Variants in CCDC3 observed in about 807,000 individuals in gnomAD.
The protein encoded by CCDC3 is coiled-coil domain containing 3.
A neutral mutation model predicts 21.4 loss-of-function variants in CCDC3; 24 were observed. That is an observed-to-expected ratio of 1.12 (90% CI 0.81 to 1.58). CCDC3 has a LOEUF of 1.58. CCDC3 is among the 40% of genes most tolerant of loss of function. The pLI is 0.00. For synonymous variants in CCDC3, 186 were observed against 166.0 expected, an observed-to-expected ratio of 1.12 and a Z score of -0.93; for missense variants, 425 against 360.9, an observed-to-expected ratio of 1.18 and a Z score of -1.44.
intron 5 of CCDC3, among the ~76,000 whole-genome samples, chr10:13,021,745 T>C (rs963222815): frequency 6.6e-6 from 1 of 151,282 alleles, no homozygotes; most frequent in African/African-American, 2.5e-5. Flanking sequence ...ACTCCTCTCC[T>C]CTATTTTTTG....
chr10:12,991,797 A>G (rs1835686569), intron 2 of CCDC3, among the ~76,000 whole-genome samples: 1 of 152,342 alleles, frequency 6.6e-6, no homozygotes, highest in South Asian at 2.1e-4. Context: ...AACTCTGAAC[A>G]CTAAACAGTT....
chr10:13,037,924 C>A (rs1836399245), intron 5 of CCDC3, among the ~76,000 whole-genome samples: 1 of 152,168 alleles, frequency 6.6e-6, no homozygotes, highest in African/African-American at 2.4e-5. Context: ...TCTGCTGGTT[C>A]CACAGTGGAG....
intron 5 of CCDC3, among the ~76,000 whole-genome samples, chr10:13,038,703 C>T (rs1017052259): frequency 6.6e-6 from 1 of 152,306 alleles, no homozygotes; most frequent in African/African-American, 2.4e-5. Flanking sequence ...TCAGGGTCTG[C>T]AGATTAGAAG....
intron 2 of CCDC3, among the ~76,000 whole-genome samples, chr10:12,916,300 T>TGG (rs1437321508): frequency 3.3e-5 from 5 of 151,762 alleles, no homozygotes. Flanking sequence ...GGCATGGTGG[T>TGG]GCATGCCTGT....
chr10:12,979,256 C>T (rs1398740728), intron 2 of CCDC3, among the ~76,000 whole-genome samples: 1 of 152,112 alleles, frequency 6.6e-6, no homozygotes, highest in Non-Finnish European at 1.5e-5. Context: ...CAGAAGAATG[C>T]ACCACTGACT....
intron 3 of CCDC3, among the ~76,000 whole-genome samples, chr10:13,097,418 A>T (rs541109015): frequency 6.6e-6 from 1 of 152,292 alleles, no homozygotes; most frequent in South Asian, 2.1e-4. Flanking sequence ...GTGGGTCCAG[A>T]GGCCTTATCT....
intron 5 of CCDC3, among the ~76,000 whole-genome samples, chr10:13,017,947 G>A (rs1418488809): frequency 1.3e-5 from 2 of 151,928 alleles, no homozygotes; most frequent in South Asian, 2.1e-4. Context: ...GTAACTAACC[G>A]GGCTAAGATT....
intron 3 of CCDC3, among the ~76,000 whole-genome samples, chr10:13,097,349 T>C (rs986208127): frequency 2.0e-4 from 30 of 152,186 alleles, no homozygotes; most frequent in African/African-American, 7.0e-4. Flanking sequence ...CCAGGCGTTC[T>C]TCTAGGTGTT....
At position 13,086,100 on chromosome 10, in the gene CCDC3, G is replaced by T. The variant is rs1229084167; in HGVS notation, c.-502-12000C>A. ...ACCAAGAGAGGCCTTGTTATTTAGTGATTATTTTTAGATTGGTATAAACTT... is the reference window on the plus strand; with the variant it reads ...ACCAAGAGAGGCCTTGTTATTTAGTTATTATTTTTAGATTGGTATAAACTT... On this transcript the variant is annotated intron_variant, in intron 3 of 6. Transcript: ENST00000378839. 2.0e-5 allele frequency among the ~76,000 whole-genome samples: 3 copies of T among 152,176 alleles called. No homozygotes were observed. The South Asian group carries it at 6.2e-4, about 32-fold the overall frequency.
chr10:13,051,351 G>T (rs1409018259), intron 4 of CCDC3, among the ~76,000 whole-genome samples: 3 of 152,190 alleles, frequency 2.0e-5, no homozygotes, highest in Non-Finnish European at 4.4e-5. Context: ...ATGAGGTATG[G>T]CAGGAAGATT....
chr10:12,995,726 A>G (rs1006570418), intron 2 of CCDC3, among the ~76,000 whole-genome samples: 5 of 152,166 alleles, frequency 3.3e-5, no homozygotes, highest in Non-Finnish European at 7.4e-5. Flanking sequence ...TTTTTCTCTG[A>G]GCCTGGAATG....
At position 13,058,193 on chromosome 10, in the gene CCDC3, G is replaced by T. The variant is rs1836706996; in HGVS notation, c.-269-8252C>A. 4 of 1,168,732 alleles carry T rather than the reference G, an allele frequency of 3.4e-6. No individual in the cohort carries two copies. In the South Asian group the frequency reaches 3.6e-5, roughly 11 times the overall value. The allele number at this position is 1,168,732 out of a possible 1,614,324, so 72.4% of individuals were successfully genotyped here. On this transcript the variant is annotated intron_variant, in intron 4 of 6. Coordinates refer to the CCDC3 transcript ENST00000378839. ...GCCTCCATCCACAGCTCCCTTCAGG[G>T]TGCCAAAAACTTGATTGCCAGCGGT... is the stretch of plus-strand genomic sequence containing the variant.
At chr10:12,980,547 T>C (rs1435078255) in intron 2 of CCDC3, among the ~76,000 whole-genome samples, 1 of 151,546 alleles carries the variant, frequency 6.6e-6, no homozygotes, top group African/African-American at 2.4e-5. Flanking sequence ...GAGGAGGGGG[T>C]GGAGGAAGAA....
intron 2 of CCDC3, among the ~76,000 whole-genome samples, chr10:12,926,775 G>A (rs1407848743): frequency 6.6e-6 from 1 of 152,176 alleles, no homozygotes; most frequent in East Asian, 1.9e-4. Flanking sequence ...AAGAAAGCTT[G>A]TAGGGCTATA....
intron 2 of CCDC3, among the ~76,000 whole-genome samples, chr10:12,956,527 C>T (rs1835088541): frequency 6.6e-6 from 1 of 152,182 alleles, no homozygotes; most frequent in South Asian, 2.1e-4. Context: ...TCCCCATCTC[C>T]AGGGGATGAA....
intron 2 of CCDC3, among the ~76,000 whole-genome samples, chr10:12,932,307 A>G (rs1421457348): frequency 6.6e-6 from 1 of 152,260 alleles, no homozygotes; most frequent in African/African-American, 2.4e-5. Flanking sequence ...CATATTGAAC[A>G]TCATAGCTTA....
chr10:12,967,350 A>G (rs1003668924), intron 2 of CCDC3, among the ~76,000 whole-genome samples: 1 of 152,228 alleles, frequency 6.6e-6, no homozygotes, highest in African/African-American at 2.4e-5. Flanking sequence ...AGAAATTAAG[A>G]TATGTGAACT....
chr10:13,007,243 C>T (rs995550747), intron 5 of CCDC3, among the ~76,000 whole-genome samples: 14 of 152,192 alleles, frequency 9.2e-5, no homozygotes, highest in African/African-American at 3.1e-4. Flanking sequence ...GCAGGTCACA[C>T]ATCGAGTATT....
chr10:13,079,801 G>T (rs1837012139), intron 3 of CCDC3, among the ~76,000 whole-genome samples: 1 of 152,214 alleles, frequency 6.6e-6, no homozygotes, highest in Non-Finnish European at 1.5e-5. Context: ...GGGAGGAGAA[G>T]AGAGAGCAGC....
Sources: allele counts gnomAD v4.1 joint callset (sites outside exome capture counted in the v4.1 genomes callset), GRCh38; gene constraint gnomAD v4.1.1; transcripts MANE v1.5; gene names NCBI Gene and HGNC (gene_info 2026-07-23, HGNC 2026-07-21).